The following FSTL4 variants were observed in gnomAD, a reference collection of about 807,000 sequenced individuals.
The protein encoded by FSTL4 is follistatin like 4, also known as follistatin-related protein 4.
FSTL4 carries 28 observed loss-of-function variants against 78.2 expected under a neutral mutation model. That is an observed-to-expected ratio of 0.36 (90% CI 0.27 to 0.49). The LOEUF is 0.49. Ranked by LOEUF, FSTL4 falls within the 20% of genes least tolerant of loss-of-function variation. The probability of loss-of-function intolerance (pLI) is 0.98; values close to 1 mark genes in which losing one functional copy is unlikely to be tolerated. For synonymous variants in FSTL4, 422 were observed against 440.5 expected (o/e 0.96, Z 0.53); for missense variants, 922 against 1,084.9 (o/e 0.85, Z 2.11).
intron 3 of FSTL4, among the ~76,000 whole-genome samples, chr5:133,510,815 A>G (rs1260625507): frequency 6.6e-6 from 1 of 152,072 alleles, no homozygotes; most frequent in Non-Finnish European, 1.5e-5. Flanking sequence ...ATCTGAGCGC[A>G]AGGCTAGAGC....
intron 3 of FSTL4, among the ~76,000 whole-genome samples, chr5:133,559,057 G>A (rs1759859686): frequency 6.6e-6 from 1 of 152,160 alleles, no homozygotes; most frequent in African/African-American, 2.4e-5. Context: ...TTTTACAAAA[G>A]AGCTTTAAAA....
chr5:133,432,829 T>C (rs897339220), intron 3 of FSTL4, among the ~76,000 whole-genome samples: 1 of 152,174 alleles, frequency 6.6e-6, no homozygotes, highest in Non-Finnish European at 1.5e-5. Context: ...TTCAAATTTA[T>C]CCACAGCAAC....
At chr5:133,802,903 G>A in the FSTL4 span, among the ~76,000 whole-genome samples, 6 of 152,168 alleles carry the variant, frequency 3.9e-5, no homozygotes, top group Admixed American at 1.3e-4. Context: ...TTAGCAAGGC[G>A]TCTCATTTCC....
At chr5:133,783,020 CA>C in the FSTL4 span, among the ~76,000 whole-genome samples, 1 of 152,216 alleles carries the variant, frequency 6.6e-6, no homozygotes, top group Non-Finnish European at 1.5e-5. Flanking sequence ...CAATTCTCAG[CA>C]CCGTCACCAG....
chr5:133,771,257 A>C, the FSTL4 span, among the ~76,000 whole-genome samples: 1 of 152,038 alleles, frequency 6.6e-6, no homozygotes, highest in African/African-American at 2.4e-5. Flanking sequence ...ACTCTGAAAA[A>C]CAACATTCAT....
At chr5:133,821,011 G>GA in the FSTL4 span, among the ~76,000 whole-genome samples, 1 of 152,182 alleles carries the variant, frequency 6.6e-6, no homozygotes, top group African/African-American at 2.4e-5. Flanking sequence ...GATTGTGTTT[G>GA]AAAACTATAC....
chr5:133,821,002 A>G, the FSTL4 span, among the ~76,000 whole-genome samples: 1,894 of 152,360 alleles, frequency 0.012, 23 homozygotes, highest in Non-Finnish European at 0.018. Context: ...GAAAACATTG[A>G]TTGTGTTTGA....
At chr5:133,278,713 C>T (rs759216212) in intron 6 of FSTL4, among the ~76,000 whole-genome samples, 1 of 152,202 alleles carries the variant, frequency 6.6e-6, no homozygotes, top group Non-Finnish European at 1.5e-5. Flanking sequence ...GGACATGTTC[C>T]TCCCTAGAGA....
the FSTL4 span, among the ~76,000 whole-genome samples, chr5:133,632,749 G>C: frequency 3.3e-5 from 5 of 152,044 alleles, no homozygotes; most frequent in Admixed American, 3.3e-4. Flanking sequence ...GCAGTGGCAT[G>C]ATCATGGCTC....
At chr5:133,581,299 C>T (rs991334195) in intron 2 of FSTL4, among the ~76,000 whole-genome samples, 1 of 152,138 alleles carries the variant, frequency 6.6e-6, no homozygotes, top group Non-Finnish European at 1.5e-5. Flanking sequence ...TCTGAGAATC[C>T]CAAGGAAAAT....
At chr5:133,662,768 C>T in the FSTL4 span, among the ~76,000 whole-genome samples, 42 of 152,276 alleles carry the variant, frequency 2.8e-4, no homozygotes, top group African/African-American at 7.0e-4. Context: ...CCTGGCTCAA[C>T]GTGGCTCAGG....
At chr5:133,526,896 T>C (rs1410930876) in intron 3 of FSTL4, among the ~76,000 whole-genome samples, 1 of 152,114 alleles carries the variant, frequency 6.6e-6, no homozygotes, top group Admixed American at 6.5e-5. Flanking sequence ...GCCAACTTCC[T>C]TCACCTCCAA....
At chr5:133,658,345 T>C in the FSTL4 span, among the ~76,000 whole-genome samples, 1 of 152,142 alleles carries the variant, frequency 6.6e-6, no homozygotes, top group Non-Finnish European at 1.5e-5. Flanking sequence ...CATTTTCAGA[T>C]TGGGATCATC....
At chr5:133,373,827 C>T (rs1438569326) in intron 4 of FSTL4, among the ~76,000 whole-genome samples, 1 of 152,226 alleles carries the variant, frequency 6.6e-6, no homozygotes, top group Admixed American at 6.5e-5. Flanking sequence ...GATGAAGCAT[C>T]ACTTGCCTCT....
the FSTL4 span, among the ~76,000 whole-genome samples, chr5:133,798,958 GAGGGAGGGAGGA>G: frequency 2.5e-5 from 3 of 120,156 alleles, 1 homozygote; most frequent in African/African-American, 1.2e-4. Flanking sequence ...GGAAGGGAGG[GAGGGAGGGAGGA>G]AGGGAGGGAG....
chr5:133,578,125 A>G (rs1006381141), intron 2 of FSTL4, among the ~76,000 whole-genome samples: 5 of 152,274 alleles, frequency 3.3e-5, no homozygotes, highest in African/African-American at 4.8e-5. Flanking sequence ...GGAAGAGATC[A>G]TGTCACATGA....
the FSTL4 span, among the ~76,000 whole-genome samples, chr5:133,791,656 C>T: frequency 6.6e-6 from 1 of 152,252 alleles, no homozygotes; most frequent in Non-Finnish European, 1.5e-5. Flanking sequence ...GAACCTCTTA[C>T]CAAACTGCCC....
At chr5:133,704,316 A>C in the FSTL4 span, among the ~76,000 whole-genome samples, 1 of 152,230 alleles carries the variant, frequency 6.6e-6, no homozygotes, top group Non-Finnish European at 1.5e-5. Flanking sequence ...TTGACTGGCA[A>C]TTGTGAGAAG....
Position 133,440,985 on chromosome 5 carries a change from C to T in FSTL4, c.161-39999G>A, listed in dbSNP as rs564405056. 6.6e-6 allele frequency among the ~76,000 whole-genome samples: 1 copy of T among 152,306 alleles called. No homozygotes were observed. The highest frequency in any genetic ancestry group is 1.9e-4 in the East Asian group (1 of 5,170). ...AACACTCCCGGTGTCAGGGCCTGCA[C>T]AGCACAGGGCCTGGCTTGGGGCAGT... On this transcript the variant is annotated intron_variant, in intron 3 of 15. Transcript: ENST00000265342. This position sits in a 1 kb window ranked among gnomAD's most constrained non-coding sequence, Gnocchi z 4.1.
Sources: gnomAD v4.1 joint callset for allele counts (sites outside exome capture counted in the v4.1 genomes callset) on GRCh38, gnomAD v4.1.1 for gene constraint, Gnocchi (gnomAD v3.1) non-coding constraint, MANE v1.5 for transcripts, NCBI Gene and HGNC (gene_info 2026-07-23, HGNC 2026-07-21) for gene names.